UNC13D: variants seen among roughly 807,000 people sequenced by gnomAD.
UNC13D encodes protein unc-13 homolog D.
UNC13D carries 115 observed loss-of-function variants against 151.7 expected under a neutral mutation model. The ratio of observed to expected loss-of-function variants is 0.76; its 90% confidence interval spans 0.65 to 0.88. UNC13D has a LOEUF of 0.88. Among genes scored for constraint, UNC13D ranks in the 40% least tolerant of loss-of-function variants. The pLI, the probability that UNC13D is intolerant of heterozygous loss-of-function variation, is 0.00. For missense variants in UNC13D, 1,369 were observed against 1,438.7 expected (o/e 0.95, Z 0.78); for synonymous variants, 588 against 612.2 (o/e 0.96, Z 0.58).
Position 75,840,087 on chromosome 17 carries a change from C to T in UNC13D, c.882G>A (p.Ser294=), listed in dbSNP as rs760286447. The T allele has an allele frequency of 1.6e-5, 26 of 1,612,912 alleles. No homozygotes were observed. Among genetic ancestry groups the T allele is most frequent in the Middle Eastern group, 1.7e-4 (1 of 5,998 alleles). ...GGAGGTGCACGGTGTAGCTCGGCTG[C>T]GAGCGGCTGGCCGAAGTGGCTCTCT... ...HKRRATSASR[S]QPSYTVHLHL... The change falls in exon 11 of 32, where the codon TCG becomes TCA. Residue 294 remains serine, a synonymous_variant. Transcript: ENST00000207549. This position sits in a 1 kb window ranked among gnomAD's most constrained non-coding sequence, Gnocchi z 4.6.
At position 75,831,060 on chromosome 17, in the gene UNC13D, C is replaced by T. The variant is rs199759320; in HGVS notation, c.2625+38G>A. On this transcript the variant is annotated intron_variant, in intron 27 of 31. Transcript: ENST00000207549. ...AGGTGAGTGCCAAAAGGCAGGCTCCCCAGACTTCCTACGGGGAAGCTCACC... is the reference window on the plus strand; with the variant it reads ...AGGTGAGTGCCAAAAGGCAGGCTCCTCAGACTTCCTACGGGGAAGCTCACC... The T allele has an allele frequency of 4.9e-4, 792 of 1,612,748 alleles. 1 individual carries two copies. Among genetic ancestry groups the T allele is most frequent in the Middle Eastern group, 4.8e-3 (29 of 6,034 alleles).
chr17:75,836,806 C>T lies in UNC13D; in HGVS notation c.1168G>A (p.Glu390Lys), dbSNP rs1169607035. The T allele has an allele frequency of 6.2e-7, 1 of 1,613,932 alleles. No individual in the cohort carries two copies. The highest frequency in any genetic ancestry group is 2.2e-5 in the East Asian group (1 of 44,884). Reference protein sequence around the residue: ...YQWIQGRLKAEQQEELAASFS... With the variant: ...YQWIQGRLKAKQQEELAASFS... ...CCTTGCCACTGCATGCCTACCTGTT[C>T]TGCCTTGAGCCGACCCTGGATCCAC... The change falls in exon 13 of 32, where the codon GAA becomes AAA. Residue 390 changes from glutamate (E) to lysine (K), a missense_variant. Coordinates refer to ENST00000207549, the MANE Select transcript of UNC13D (RefSeq NM_199242.3).
At chr17:75,829,130 C>T in intron 30 of UNC13D, 147 bp from the exon 31 acceptor site, 1 of 1,022,576 alleles carries the variant, frequency 9.8e-7, no homozygotes, top group Non-Finnish European at 1.4e-6. Context: ...CCATGTGGTG[C>T]AATGCCTGCT....
At position 75,836,857 on chromosome 17, in the gene UNC13D, G is replaced by A; in HGVS notation, c.1117C>T (p.His373Tyr). The change falls in exon 13 of 32, where the codon CAC becomes TAC. Residue 373 changes from histidine (H) to tyrosine (Y), a missense_variant. Coordinates refer to ENST00000207549, the MANE Select transcript of UNC13D (RefSeq NM_199242.3). ...TGGTACTCGATGCTGGTGATGGGGT[G>A]CAGGAGGCAGCTGCTGGGGAACTCC... ...SLEFPSSCLL[H>Y]PITSIEYQWI... is the part of the protein sequence containing the mutation. 1.2e-6 allele frequency: 2 copies of A among 1,613,990 alleles called. No individual in the cohort carries two copies. Among genetic ancestry groups the A allele is most frequent in the Non-Finnish European group, 1.7e-6 (2 of 1,180,032 alleles).
At chr17:75,829,873 C>T in intron 30 of UNC13D, 155 bp downstream of exon 30, 2 of 1,203,032 alleles carry the variant, frequency 1.7e-6, no homozygotes, top group Non-Finnish European at 2.3e-6. Flanking sequence ...CCACCACATC[C>T]AGCTGCAAAC....
intron 31 of UNC13D, 91 bp downstream of exon 31, chr17:75,828,696 T>C: frequency 1.5e-6 from 2 of 1,362,738 alleles, no homozygotes; most frequent in Non-Finnish European, 9.6e-7. Flanking sequence ...AGGGAAGCTG[T>C]TCTCCGACCC....
Position 75,840,416 on chromosome 17 carries a change from A to T in UNC13D, c.754-87T>A, listed in dbSNP as rs532639512. On this transcript the variant is annotated intron_variant, in intron 9 of 31. Transcript: ENST00000207549. The surrounding 1 kb of genome is among the most constrained non-coding windows in gnomAD (Gnocchi z 4.6). Reference sequence around the variant, plus strand: ...GCGACAGGAGGTGGACCCCAGGCTCAGCTTTGTGAGGACACAGAGCCTCTC... The same window carrying T: ...GCGACAGGAGGTGGACCCCAGGCTCTGCTTTGTGAGGACACAGAGCCTCTC... 6.2e-7 allele frequency: 1 copy of T among 1,607,230 alleles called. No homozygotes were observed. Among genetic ancestry groups the T allele is most frequent in the African/African-American group, 1.3e-5 (1 of 74,850 alleles).
chr17:75,827,412 GC>G lies in UNC13D; in HGVS notation c.*552del. On this transcript the variant is annotated 3_prime_UTR_variant, in exon 32 of 32. Coordinates refer to ENST00000207549, the MANE Select transcript of UNC13D (RefSeq NM_199242.3). ...CTCCCTCAGAGCCAGAAGGTTCTTG[GC>G]TCCAGGCTTCCTGGCCTGGATGCTG... The G allele has an allele frequency of 4.3e-6, 6 of 1,407,892 alleles. No homozygotes were observed. The highest frequency in any genetic ancestry group is 5.8e-5 in the Admixed American group (2 of 34,304). The allele number at this position is 1,407,892 out of a possible 1,614,324, so 87.2% of individuals were successfully genotyped here.
At chr17:75,837,528 T>C (rs904262562) in intron 12 of UNC13D, among the ~76,000 whole-genome samples, 1 of 149,436 alleles carries the variant, frequency 6.7e-6, no homozygotes, top group African/African-American at 2.5e-5. Context: ...CCGAGGCGGG[T>C]GGATCACCTG....
intron 30 of UNC13D, among the ~76,000 whole-genome samples, chr17:75,829,454 C>A (rs1330604569): frequency 1.3e-5 from 2 of 152,050 alleles, no homozygotes; most frequent in African/African-American, 2.4e-5. Flanking sequence ...TCCCACCACA[C>A]CCAGCTAATT....
intron 1 of UNC13D, chr17:75,843,954 G>A (rs1293060443): frequency 7.2e-6 from 10 of 1,397,470 alleles, no homozygotes; most frequent in Non-Finnish European, 9.3e-6. Flanking sequence ...TGAAGCTGGA[G>A]GAGTAGGGGA....
chr17:75,836,749 G>C, intron 13 of UNC13D, 52 bp downstream of exon 13: 1 of 1,613,438 alleles, frequency 6.2e-7, no homozygotes, highest in Non-Finnish European at 8.5e-7. Context: ...CTGCTCCCCT[G>C]CCCCTTCCCT....
chr17:75,840,957 C>A lies in UNC13D; in HGVS notation c.614G>T (p.Trp205Leu), dbSNP rs1005601511. Residue 205 changes from tryptophan (W) to leucine (L), a missense_variant and splice_region_variant, in exon 7 of 32, where the codon TGG becomes TTG. Trp to Leu is a moderately conservative substitution (Grantham distance 61). Transcript: ENST00000207549. This position sits in a 1 kb window ranked among gnomAD's most constrained non-coding sequence, Gnocchi z 4.6. ...CCTAGGGGCAGGCCAGGTCACTCAC[C>A]ACATGTCCAGATGAAAGCTCGCATT... ...ITNASFHLDM[W>L]DLDTVESVRQ... The A allele has an allele frequency of 8.7e-6, 14 of 1,613,872 alleles. No individual in the cohort carries two copies. Among genetic ancestry groups the A allele is most frequent in the Non-Finnish European group, 1.1e-5 (13 of 1,180,022 alleles).
At chr17:75,835,182 C>T (rs893550003) in intron 20 of UNC13D, 119 bp from the exon 21 acceptor site, 3 of 1,521,952 alleles carry the variant, frequency 2.0e-6, no homozygotes, top group Admixed American at 2.0e-5. Context: ...TCACAAGAGA[C>T]AAGCACGGCT....
In UNC13D at chr17:75,828,910, C is replaced by A. The variant is rs147126779; in HGVS notation, c.3028G>T (p.Gly1010Trp). The A allele has an allele frequency of 6.2e-7, 1 of 1,607,432 alleles. No individual in the cohort carries two copies. The highest frequency in any genetic ancestry group is 1.3e-5 in the African/African-American group (1 of 75,058). ...GCCTCGCCTTCCAGGTCGTCGGCCC[C>A]CAGCGTGTCGTAGTCCAGCACGGTG... Reference protein sequence around the residue: ...LLTVLDYDTLGADDLEGEAFL... With the variant: ...LLTVLDYDTLWADDLEGEAFL... The change falls in exon 31 of 32, where the codon GGG (glycine) becomes TGG (tryptophan). Residue 1010 changes from glycine (G) to tryptophan (W), a missense_variant. Physicochemically the swap from Gly to Trp is radical, Grantham distance 184. This residue lies in a region of UNC13D where 807 missense variants were observed against 795.5 expected (regional missense o/e 1.01). Transcript: ENST00000207549.
intron 6 of UNC13D, 63 bp from the exon 7 acceptor site, chr17:75,841,064 A>C: frequency 6.3e-7 from 1 of 1,594,332 alleles, no homozygotes; most frequent in Admixed American, 1.7e-5. Flanking sequence ...ACGAAGCAGT[A>C]AGTGACCACA....
intron 27 of UNC13D, 130 bp from the exon 28 acceptor site, chr17:75,830,791 C>A: frequency 1.7e-6 from 2 of 1,170,000 alleles, no homozygotes; most frequent in South Asian, 1.3e-5. Flanking sequence ...CATGGGACAA[C>A]GGGCTGGGGC....
chr17:75,831,957 C>T (rs1209539751), intron 25 of UNC13D: 2 of 154,640 alleles, frequency 1.3e-5, no homozygotes, highest in Non-Finnish European at 2.9e-5. Context: ...AAGACTCCAT[C>T]TCAAAAAAAC....
Position 75,844,157 on chromosome 17 carries a change from C to A in UNC13D, c.117+64G>T, listed in dbSNP as rs1599416457. 3.8e-6 allele frequency: 6 copies of A among 1,584,440 alleles called. No homozygotes were observed. The East Asian group carries it at 1.3e-4, about 35-fold the overall frequency. Reference sequence around the variant, plus strand: ...CGAGAGGTGGGGCCAGACAGCAGGGCACCCGTACCCGAGACCACAGTGCTC... The same window carrying A: ...CGAGAGGTGGGGCCAGACAGCAGGGAACCCGTACCCGAGACCACAGTGCTC... On this transcript the variant is annotated intron_variant, in intron 1 of 31. Coordinates refer to ENST00000207549, the MANE Select transcript of UNC13D (RefSeq NM_199242.3).
Sources: gnomAD v4.1 joint callset for allele counts (sites outside exome capture counted in the v4.1 genomes callset) on GRCh38, gnomAD v4.1.1 for gene constraint, gnomAD v4.1.1 regional missense constraint, Gnocchi (gnomAD v3.1) non-coding constraint, MANE v1.5 for transcripts, NCBI Gene and HGNC (gene_info 2026-07-23, HGNC 2026-07-21) for gene names.